Variants in MROH1 observed in about 807,000 individuals in gnomAD.
MROH1 encodes the protein maestro heat-like repeat-containing protein family member 1.
Under a neutral mutation model 116.5 loss-of-function variants are expected in MROH1, and 117 were observed. That is an observed-to-expected ratio of 1.00 (90% CI 0.86 to 1.17). The LOEUF is 1.17. Ranked by LOEUF, MROH1 falls within the 50% of genes most tolerant of loss-of-function variation. The pLI is 0.00. For missense variants in MROH1, 1,873 were observed against 1,338.5 expected (o/e 1.40, Z -6.23); for synonymous variants, 921 against 583.9 (o/e 1.58, Z -8.32).
At chr8:144,241,145 C>A in intron 21 of MROH1, 34 bp downstream of exon 21, 1 of 728,766 alleles carries the variant, frequency 1.4e-6, no homozygotes, top group Non-Finnish European at 2.5e-6. Context: ...GCCCCAGACA[C>A]CCCAGGGCTG....
intron 21 of MROH1, 97 bp downstream of exon 21, chr8:144,241,208 G>A: frequency 1.4e-6 from 1 of 699,700 alleles, no homozygotes; most frequent in South Asian, 1.6e-5. Context: ...CTGTGTGCCT[G>A]TGTGTGCGTG....
intron 7 of MROH1, among the ~76,000 whole-genome samples, chr8:144,189,101 G>A (rs1827920810): frequency 6.6e-6 from 1 of 152,232 alleles, no homozygotes; most frequent in Non-Finnish European, 1.5e-5. Context: ...ATTGTGCTTT[G>A]GAGCAGGGCC....
Position 144,239,339 on chromosome 8 carries a change from C to G in MROH1, c.1608C>G (p.Pro536=), listed in dbSNP as rs1358836164. 2.1e-5 allele frequency: 16 copies of G among 780,436 alleles called. No individual in the cohort carries two copies. Among genetic ancestry groups the G allele is most frequent in the Admixed American group, 1.4e-4 (8 of 59,016 alleles). The allele number at this position is 780,436 out of a possible 1,614,324, so 48.3% of individuals were successfully genotyped here. A position where few individuals can be genotyped will look rare whatever the true frequency, so the allele number is the denominator to read the frequency against. Residue 536 remains proline (P), a synonymous_variant, in exon 17 of 44, where the codon CCC becomes CCG. Coordinates refer to ENST00000326134, the MANE Select transcript of MROH1 (RefSeq NM_032450.3). The stretch of plus-strand genomic sequence containing the variant: ...CATCTCCAGCGAGCCTCCCGTCTCC[C>G]TATGCTGTAACCGGAAGACTGTTGG... ...QYDAHASLPS[P]YAVTGRLLVV...
Position 144,179,576 on chromosome 8 carries a change from C to G in MROH1, c.290C>G (p.Thr97Ser), listed in dbSNP as rs534045828. 99 of 1,609,842 alleles carry G rather than the reference C, an allele frequency of 6.1e-5. No homozygotes were observed. Among genetic ancestry groups the G allele is most frequent in the Non-Finnish European group, 7.9e-5 (93 of 1,178,384 alleles). The stretch of plus-strand genomic sequence containing the variant: ...ATCCTCCTGGCCTCCAGCGAGATGA[C>G]CAAGACGAAGGTATTCAGCAGGCCC... ...TIILLASSEM[T>S]KTKDLVWDWQ... Residue 97 changes from threonine to serine, a missense_variant, in exon 5 of 44, where the codon ACC (threonine) becomes AGC (serine). Physicochemically the swap from Thr to Ser is moderately conservative, Grantham distance 58 (BLOSUM62 1). Transcript: ENST00000326134.
chr8:144,202,008 A>G (rs1588124508), intron 12 of MROH1, among the ~76,000 whole-genome samples: 1 of 141,672 alleles, frequency 7.1e-6, no homozygotes. Context: ...ACAGAGTGAG[A>G]CTCCGTCTCC....
chr8:144,248,332 T>A (rs1030541536), intron 31 of MROH1, among the ~76,000 whole-genome samples: 1 of 152,026 alleles, frequency 6.6e-6, no homozygotes, highest in Non-Finnish European at 1.5e-5. Context: ...TCCAAGGGGA[T>A]GAGAAAGCTG....
Position 144,247,353 on chromosome 8 carries a change from G to A in MROH1, c.2924G>A (p.Arg975Gln), listed in dbSNP as rs975053666. ...LGLLIGLFSPRCADLWPATRQ... is the reference protein window; with the variant it reads ...LGLLIGLFSPQCADLWPATRQ... ...CTTCTCATCGGCCTCTTCTCCCCACGGTGTGCGGACCTGTGGCCTGCCACC... is the reference window on the plus strand; with the variant it reads ...CTTCTCATCGGCCTCTTCTCCCCACAGTGTGCGGACCTGTGGCCTGCCACC... The change falls in exon 30 of 44, where the codon CGG becomes CAG. Residue 975 changes from arginine (R) to glutamine (Q), a missense_variant. By Grantham distance (43) the Arg-to-Gln change is conservative. Transcript: ENST00000326134. The A allele has an allele frequency of 7.8e-6, 6 of 772,876 alleles. No homozygotes were observed. The highest frequency in any genetic ancestry group is 3.4e-5 in the African/African-American group (2 of 58,872). The allele number at this position is 772,876 out of a possible 1,614,324, so 47.9% of individuals were successfully genotyped here.
chr8:144,234,070 C>T (rs1045673689), intron 14 of MROH1, among the ~76,000 whole-genome samples: 6 of 152,126 alleles, frequency 3.9e-5, no homozygotes, highest in African/African-American at 1.2e-4. Context: ...AGTGCAGTGG[C>T]GCGATCTCGG....
intron 4 of MROH1, among the ~76,000 whole-genome samples, chr8:144,172,400 ACTTTTTTTTTTT>A (rs1206455224): frequency 6.8e-6 from 1 of 147,816 alleles, no homozygotes; most frequent in Non-Finnish European, 1.5e-5. Context: ...GCAACATTTA[ACTTTTTTTTTTT>A]CTTTTTTTTT....
intron 2 of MROH1, among the ~76,000 whole-genome samples, chr8:144,162,084 CTTTTTTT>C (rs1179685748): frequency 5.1e-5 from 7 of 136,124 alleles, no homozygotes; most frequent in Admixed American, 5.1e-4. Flanking sequence ...TTTTTCTTTT[CTTTTTTT>C]TTTTTTTTTT....
chr8:144,233,119 A>G (rs1214490522), intron 14 of MROH1, among the ~76,000 whole-genome samples: 1 of 151,978 alleles, frequency 6.6e-6, no homozygotes, highest in African/African-American at 2.4e-5. Flanking sequence ...CAAGAGCCAC[A>G]GCACCTGGCC....
At chr8:144,256,403 C>T (rs1843800084) in intron 35 of MROH1, among the ~76,000 whole-genome samples, 1 of 133,648 alleles carries the variant, frequency 7.5e-6, no homozygotes. Flanking sequence ...AGCCCCTCCC[C>T]CTGCCCCCCT....
At chr8:144,172,556 C>T (rs1036260530) in intron 4 of MROH1, among the ~76,000 whole-genome samples, 3 of 151,858 alleles carry the variant, frequency 2.0e-5, no homozygotes, top group Non-Finnish European at 4.4e-5. Context: ...GGATTACAGA[C>T]GCGTGCCACC....
At chr8:144,157,547 G>GT (rs1448270129) in intron 1 of MROH1, among the ~76,000 whole-genome samples, 16,829 of 152,002 alleles carry the variant, frequency 0.11, 3,112 homozygotes, top group African/African-American at 0.38. Flanking sequence ...TTATGGGAAG[G>GT]TTTTTTACTA....
intron 39 of MROH1, 29 bp downstream of exon 39, chr8:144,260,403 G>T: frequency 5.7e-6 from 4 of 704,944 alleles, no homozygotes; most frequent in Non-Finnish European, 1.0e-5. Context: ...GGGGAGGGAA[G>T]AGGGCCCCAG....
chr8:144,151,498 G>A (rs1816780996), intron 1 of MROH1, among the ~76,000 whole-genome samples: 1 of 152,150 alleles, frequency 6.6e-6, no homozygotes, highest in African/African-American at 2.4e-5. Flanking sequence ...AACTCCAGAG[G>A]AAGACCATCT....
chr8:144,164,330 G>T (rs530189475), intron 3 of MROH1, among the ~76,000 whole-genome samples: 1 of 151,210 alleles, frequency 6.6e-6, no homozygotes, highest in African/African-American at 2.4e-5. Context: ...GCTTGAACTC[G>T]GGAGGCGGAG....
intron 24 of MROH1, among the ~76,000 whole-genome samples, chr8:144,242,874 C>T (rs1841257482): frequency 6.6e-6 from 1 of 152,190 alleles, no homozygotes; most frequent in Non-Finnish European, 1.5e-5. Context: ...CTGTCGCCCC[C>T]CAGGGAGTTC....
At chr8:144,221,670 C>T (rs1006866781) in intron 13 of MROH1, among the ~76,000 whole-genome samples, 1 of 152,158 alleles carries the variant, frequency 6.6e-6, no homozygotes, top group African/African-American at 2.4e-5. Context: ...CAGAGCTCTT[C>T]TCCCCACCGT....
Sources: gnomAD v4.1 joint callset for allele counts (sites outside exome capture counted in the v4.1 genomes callset) on GRCh38, gnomAD v4.1.1 for gene constraint, MANE v1.5 for transcripts, NCBI Gene and HGNC (gene_info 2026-07-23, HGNC 2026-07-21) for gene names.